SEL1L2: variants seen among roughly 807,000 people sequenced by gnomAD.
SEL1L2 encodes the protein protein sel-1 homolog 2.
SEL1L2 carries 89 observed loss-of-function variants against 98.8 expected under a neutral mutation model. The observed-to-expected ratio is 0.90, with a 90% CI of 0.76 to 1.07. SEL1L2 has a LOEUF of 1.07. Ranked by LOEUF, SEL1L2 falls within the 50% of genes least tolerant of loss-of-function variation. The probability of loss-of-function intolerance (pLI) is 0.00; values close to 1 mark genes in which losing one functional copy is unlikely to be tolerated. For synonymous variants in SEL1L2, 262 were observed against 278.5 expected, an observed-to-expected ratio of 0.94 and a Z score of 0.59; for missense variants, 788 against 812.0, an observed-to-expected ratio of 0.97 and a Z score of 0.36.
At chr20:13,877,388 G>T (rs1288418533) in intron 11 of SEL1L2, 132 bp downstream of exon 11, 3 of 623,550 alleles carry the variant, frequency 4.8e-6, no homozygotes, top group Non-Finnish European at 8.5e-6. Flanking sequence ...GCCCAGGCTG[G>T]TTGCCTGTGC....
chr20:13,875,782 T>C (rs1453191614), intron 12 of SEL1L2, among the ~76,000 whole-genome samples: 1 of 152,146 alleles, frequency 6.6e-6, no homozygotes, highest in Non-Finnish European at 1.5e-5. Flanking sequence ...TGAACTTCTG[T>C]CTGGCTGAAC....
intron 9 of SEL1L2, 142 bp from the exon 10 acceptor site, chr20:13,885,545 C>G (rs562478069): frequency 7.7e-6 from 5 of 650,326 alleles, no homozygotes; most frequent in Non-Finnish European, 1.4e-5. Context: ...ACATTCCAGA[C>G]TATATCATTT....
rs775348700 is a variant in SEL1L2 at position 13,876,106 on chromosome 20, C to T, written c.1036G>A (p.Glu346Lys). ...AMAFIGKMYL[E>K]GNAAVPQNNA... Reference sequence around the variant, plus strand: ...TTTTGCGGCACGGCAGCATTCCCCTCTAAATACATCTAGGAAGAAAAATGA... The same window carrying T: ...TTTTGCGGCACGGCAGCATTCCCCTTTAAATACATCTAGGAAGAAAAATGA... Residue 346 changes from glutamate to lysine, a missense_variant, in exon 12 of 20, where the codon GAG (glutamate) becomes AAG (lysine). By Grantham distance (56) the Glu-to-Lys change is moderately conservative. Transcript: ENST00000284951. 6.2e-7 allele frequency: 1 copy of T among 1,611,816 alleles called. No homozygotes were observed. The highest frequency in any genetic ancestry group is 1.7e-5 in the Admixed American group (1 of 59,978).
At chr20:13,862,584 T>C (rs1990309935) in intron 17 of SEL1L2, among the ~76,000 whole-genome samples, 1 of 152,226 alleles carries the variant, frequency 6.6e-6, no homozygotes, top group African/African-American at 2.4e-5. Context: ...TCTTCTAGAA[T>C]CTTCTATTAA....
intron 8 of SEL1L2, 53 bp from the exon 9 acceptor site, chr20:13,886,495 T>A: frequency 1.4e-6 from 2 of 1,480,380 alleles, no homozygotes; most frequent in Non-Finnish European, 1.9e-6. Flanking sequence ...CTGCAAGAGA[T>A]AACAGTCAAT....
chr20:13,876,406 C>CTTT (rs11087067), intron 11 of SEL1L2, among the ~76,000 whole-genome samples: 86 of 101,896 alleles, frequency 8.4e-4, no homozygotes, highest in East Asian at 3.4e-3. Flanking sequence ...CTCTCTCTCT[C>CTTT]TTTTTTTTTT....
chr20:13,940,832 G>A (rs375113853), intron 2 of SEL1L2, among the ~76,000 whole-genome samples: 22 of 152,128 alleles, frequency 1.4e-4, no homozygotes, highest in African/African-American at 5.1e-4. Flanking sequence ...CCCGGGAGGC[G>A]GAGGTTGCAC....
rs1395822065 is a variant in SEL1L2, at chr20:13,849,547, A to C, written c.2005T>G (p.Leu669Val). The change falls in exon 20 of 20, where the codon TTA becomes GTA. Residue 669 changes from leucine to valine, a missense_variant. Transcript: ENST00000284951. Reference sequence around the variant, plus strand: ...GGAACAATGAGGCCAATCACAAATAAGTCCCAGTGTGGTCCAATGGTGTTG... The same window carrying C: ...GGAACAATGAGGCCAATCACAAATACGTCCCAGTGTGGTCCAATGGTGTTG... ...LDNTIGPHWD[L>V]FVIGLIVPGL... 1.2e-6 allele frequency: 2 copies of C among 1,614,132 alleles called. No homozygotes were observed. The highest frequency in any genetic ancestry group is 1.7e-6 in the Non-Finnish European group (2 of 1,179,980).
chr20:13,918,894 A>G, intron 4 of SEL1L2, 127 bp downstream of exon 4: 1 of 637,596 alleles, frequency 1.6e-6, no homozygotes, highest in South Asian at 2.1e-5. Flanking sequence ...TTTTAAAAAC[A>G]ATAGTTTATG....
At chr20:13,948,667 A>G (rs879924135) in intron 2 of SEL1L2, among the ~76,000 whole-genome samples, 1 of 152,240 alleles carries the variant, frequency 6.6e-6, no homozygotes, top group Non-Finnish European at 1.5e-5. Context: ...AAAACATAGG[A>G]GAAAATTTTC....
At chr20:13,981,685 T>A (rs377010845) in intron 1 of SEL1L2, among the ~76,000 whole-genome samples, 1 of 152,164 alleles carries the variant, frequency 6.6e-6, no homozygotes, top group East Asian at 1.9e-4. Context: ...GAAATGTGCT[T>A]TTTTACTGAT....
At chr20:13,891,188 A>T (rs1429467312) in intron 5 of SEL1L2, among the ~76,000 whole-genome samples, 5 of 151,872 alleles carry the variant, frequency 3.3e-5, no homozygotes, top group South Asian at 2.1e-4. Context: ...GATGAACCCG[A>T]AGAGCCCCAA....
At chr20:13,858,346 A>C (rs1189283424) in intron 18 of SEL1L2, among the ~76,000 whole-genome samples, 2 of 152,122 alleles carry the variant, frequency 1.3e-5, no homozygotes, top group East Asian at 1.9e-4. Flanking sequence ...GACCACCAAG[A>C]ATGACTCACT....
upstream of SEL1L2, among the ~76,000 whole-genome samples, chr20:13,994,521 G>T (rs1047280759): frequency 1.3e-5 from 2 of 151,964 alleles, no homozygotes; most frequent in Non-Finnish European, 2.9e-5. Context: ...AATAAATGTG[G>T]ATTTACAACA....
intron 5 of SEL1L2, among the ~76,000 whole-genome samples, chr20:13,891,183 ACCCGAAGAG>A (rs546497622): frequency 1.5e-3 from 231 of 152,292 alleles, no homozygotes; most frequent in African/African-American, 5.3e-3. Context: ...AGTGAGATGA[ACCCGAAGAG>A]CCCCAAACCA....
chr20:13,872,993 C>CT (rs112463334), intron 12 of SEL1L2, among the ~76,000 whole-genome samples: 3,888 of 141,102 alleles, frequency 0.028, 68 homozygotes, highest in Non-Finnish European at 0.041. Context: ...TTTCTTTTTT[C>CT]TTTTTTTTTT....
At chr20:13,934,432 C>CTA in intron 2 of SEL1L2, among the ~76,000 whole-genome samples, 2 of 44,366 alleles carry the variant, frequency 4.5e-5, no homozygotes, top group African/African-American at 1.3e-4. Flanking sequence ...TATATATATT[C>CTA]CATATATATA....
At chr20:13,987,230 G>C (rs1251390466) in intron 1 of SEL1L2, among the ~76,000 whole-genome samples, 1 of 151,434 alleles carries the variant, frequency 6.6e-6, no homozygotes, top group Non-Finnish European at 1.5e-5. Context: ...TTTCCACAGT[G>C]ACTATACCAT....
chr20:13,925,015 T>A (rs1275836132), intron 3 of SEL1L2, among the ~76,000 whole-genome samples: 11 of 152,060 alleles, frequency 7.2e-5, no homozygotes, highest in Non-Finnish European at 1.6e-4. Flanking sequence ...GGTGCGCACC[T>A]GTAATCCCAG....
Sources: allele counts gnomAD v4.1 joint callset (sites outside exome capture counted in the v4.1 genomes callset), GRCh38; gene constraint gnomAD v4.1.1; transcripts MANE v1.5; gene names NCBI Gene and HGNC (gene_info 2026-07-23, HGNC 2026-07-21).